ZNF608: variants seen among roughly 807,000 people sequenced by gnomAD.
ZNF608 encodes renal carcinoma antigen NY-REN-36.
A neutral mutation model predicts 109.0 loss-of-function variants in ZNF608; 12 were observed. The ratio of observed to expected loss-of-function variants is 0.11; its 90% confidence interval spans 0.07 to 0.18. The LOEUF (loss-of-function observed/expected upper bound fraction) is 0.18, where lower values mean the gene tolerates loss of function less well. ZNF608 is among the 10% of genes least tolerant of loss of function. ZNF608 has a pLI of 1.00. For missense variants in ZNF608, 1,707 were observed against 1,879.3 expected, an observed-to-expected ratio of 0.91 and a Z score of 1.70; for synonymous variants, 732 against 717.4, an observed-to-expected ratio of 1.02 and a Z score of -0.33.
rs78323564 is a variant in ZNF608 at position 124,693,974 on chromosome 5, C to T, written c.1162+7040G>A. 5.0e-3 allele frequency among the ~76,000 whole-genome samples: 307 copies of T among 60,932 alleles called. 8 individuals are homozygous for T. Among genetic ancestry groups the T allele is most frequent in the African/African-American group, 9.1e-3 (120 of 13,212 alleles). 40.0% of individuals were successfully genotyped at this position (60,932 alleles called of 152,430 possible). A position where few individuals can be genotyped will look rare whatever the true frequency, so the allele number is the denominator to read the frequency against. On this transcript the variant is annotated intron_variant, in intron 3 of 9. Transcript: ENST00000513986. Reference sequence around the variant, plus strand: ...GTGAAGCTGGTAACATTTCATTAATCTTTTTTTTTTTTTTTTTTTGAGAGA... The same window carrying T: ...GTGAAGCTGGTAACATTTCATTAATTTTTTTTTTTTTTTTTTTTTGAGAGA...
At chr5:124,742,346 A>AG (rs1441519305) in intron 2 of ZNF608, among the ~76,000 whole-genome samples, 6 of 152,226 alleles carry the variant, frequency 3.9e-5, no homozygotes, top group Non-Finnish European at 5.9e-5. Flanking sequence ...GGAATGCAAA[A>AG]GGGCAGTACC....
intron 2 of ZNF608, among the ~76,000 whole-genome samples, chr5:124,737,086 T>G (rs1561593655): frequency 6.6e-6 from 1 of 152,168 alleles, no homozygotes; most frequent in Non-Finnish European, 1.5e-5. Flanking sequence ...AAAAGTCCCT[T>G]TAAGTAAAAT....
rs1189022630 is a variant in ZNF608 at position 124,744,020 on chromosome 5, C to A, written c.906+64G>T. 3 of 1,524,412 alleles carry A rather than the reference C, an allele frequency of 2.0e-6. No homozygotes were observed. Among genetic ancestry groups the A allele is most frequent in the African/African-American group, 2.8e-5 (2 of 72,078 alleles). The allele number at this position is 1,524,412 out of a possible 1,614,324, so 94.4% of individuals were successfully genotyped here. A position where few individuals can be genotyped will look rare whatever the true frequency, so the allele number is the denominator to read the frequency against. On this transcript the variant is annotated intron_variant, in intron 2 of 9. Transcript: ENST00000513986. This position sits in a 1 kb window ranked among gnomAD's most constrained non-coding sequence, Gnocchi z 4.5. Reference sequence around the variant, plus strand: ...GTGTAAGGCACACAGAGGCACACCCCCACACACCCACACAAATGCACACAG... The same window carrying A: ...GTGTAAGGCACACAGAGGCACACCCACACACACCCACACAAATGCACACAG...
At chr5:124,685,318 C>G (rs914567550) in intron 3 of ZNF608, among the ~76,000 whole-genome samples, 1 of 151,584 alleles carries the variant, frequency 6.6e-6, no homozygotes, top group African/African-American at 2.4e-5. Flanking sequence ...CATTAATGAT[C>G]GGAATGAAAT....
At chr5:124,696,605 T>C (rs1222738510) in intron 3 of ZNF608, among the ~76,000 whole-genome samples, 1 of 152,194 alleles carries the variant, frequency 6.6e-6, no homozygotes, top group African/African-American at 2.4e-5. Flanking sequence ...AGAGTGGTAC[T>C]ACCAGTTGTT....
At chr5:124,646,366 T>A (rs1053558666) in intron 5 of ZNF608, among the ~76,000 whole-genome samples, 2 of 151,870 alleles carry the variant, frequency 1.3e-5, no homozygotes, top group African/African-American at 4.8e-5. Context: ...TCAAAAAATT[T>A]AAAAAATTTA....
At chr5:124,665,010 C>T (rs1489102078) in intron 3 of ZNF608, among the ~76,000 whole-genome samples, 2 of 152,008 alleles carry the variant, frequency 1.3e-5, no homozygotes, top group Admixed American at 6.6e-5. Flanking sequence ...CCCGTCTCTA[C>T]TAAAAATACA....
chr5:124,680,124 T>A (rs1752132641), intron 3 of ZNF608, among the ~76,000 whole-genome samples: 1 of 151,908 alleles, frequency 6.6e-6, no homozygotes, highest in Admixed American at 6.6e-5. Flanking sequence ...AAACCAAGCA[T>A]CGCTGAAGCC....
intron 3 of ZNF608, among the ~76,000 whole-genome samples, chr5:124,699,261 C>T (rs1179954618): frequency 6.6e-6 from 1 of 152,162 alleles, no homozygotes; most frequent in Non-Finnish European, 1.5e-5. Flanking sequence ...AGGCAAACTG[C>T]ACAACCCAAG....
intron 3 of ZNF608, among the ~76,000 whole-genome samples, chr5:124,692,511 A>G (rs2149838676): frequency 6.6e-6 from 1 of 152,356 alleles, no homozygotes; most frequent in Middle Eastern, 3.4e-3. Flanking sequence ...TACTACTGCC[A>G]AAATCAGATG....
chr5:124,673,644 C>A (rs1185168136), intron 3 of ZNF608, among the ~76,000 whole-genome samples: 1 of 151,346 alleles, frequency 6.6e-6, no homozygotes, highest in Non-Finnish European at 1.5e-5. Context: ...ATCATGAAAA[C>A]AAAATAGAGT....
At chr5:124,743,285 C>T (rs997755357) in intron 2 of ZNF608, among the ~76,000 whole-genome samples, 3 of 152,216 alleles carry the variant, frequency 2.0e-5, no homozygotes, top group Admixed American at 2.0e-4. Context: ...TCACATTTCA[C>T]GAGTATCAGT....
Position 124,646,931 on chromosome 5 carries a change from G to A in ZNF608, c.3453C>T (p.Ala1151=). 1 of 1,613,932 alleles carries A rather than the reference G, an allele frequency of 6.2e-7. No homozygotes were observed. Among genetic ancestry groups the A allele is most frequent in the Non-Finnish European group, 8.5e-7 (1 of 1,179,962 alleles). ...EETKQKNMPS[A]TISKAPSTPE... ...GAGTAGAGGGAGCTTTTGAGATTGTGGCCGATGGCATATTTTTCTGTTTAG... is the reference window on the plus strand; with the variant it reads ...GAGTAGAGGGAGCTTTTGAGATTGTAGCCGATGGCATATTTTTCTGTTTAG... Residue 1151 remains alanine (A), a synonymous_variant, in exon 5 of 10, where the codon GCC becomes GCT. Transcript: ENST00000513986.
chr5:124,653,638 T>A (rs2149795473), intron 3 of ZNF608, among the ~76,000 whole-genome samples: 1 of 152,320 alleles, frequency 6.6e-6, no homozygotes, highest in South Asian at 2.1e-4. Context: ...GATTTCATGT[T>A]CATGGTGCCC....
intron 2 of ZNF608, among the ~76,000 whole-genome samples, chr5:124,708,552 G>A (rs1753353582): frequency 2.0e-5 from 3 of 152,344 alleles, no homozygotes; most frequent in South Asian, 2.1e-4. Flanking sequence ...TCTCAGGCTT[G>A]CAAGCAAATA....
intron 2 of ZNF608, among the ~76,000 whole-genome samples, chr5:124,740,182 C>T (rs1204756368): frequency 6.6e-6 from 1 of 152,166 alleles, no homozygotes; most frequent in Non-Finnish European, 1.5e-5. Context: ...ATTTCACACA[C>T]CAAAGTCAGA....
At chr5:124,728,033 C>A (rs994899282) in intron 2 of ZNF608, among the ~76,000 whole-genome samples, 2 of 152,096 alleles carry the variant, frequency 1.3e-5, no homozygotes, top group African/African-American at 4.8e-5. Flanking sequence ...AGCCACTGTG[C>A]CGGGCCCCAA....
At chr5:124,696,439 T>A (rs1752852917) in intron 3 of ZNF608, among the ~76,000 whole-genome samples, 1 of 152,212 alleles carries the variant, frequency 6.6e-6, no homozygotes, top group Non-Finnish European at 1.5e-5. Context: ...CAGCACATTC[T>A]ATATTTGCTA....
intron 2 of ZNF608, among the ~76,000 whole-genome samples, chr5:124,714,506 T>A (rs370476952): frequency 6.6e-6 from 1 of 152,210 alleles, no homozygotes; most frequent in South Asian, 2.1e-4. Context: ...AATAGGAGTG[T>A]GGTCTCTGTG....
Sources: allele counts gnomAD v4.1 joint callset (sites outside exome capture counted in the v4.1 genomes callset), GRCh38; gene constraint gnomAD v4.1.1; non-coding constraint Gnocchi (gnomAD v3.1); transcripts MANE v1.5; gene names NCBI Gene and HGNC (gene_info 2026-07-23, HGNC 2026-07-21).